Variants in DNAAF4 observed in about 807,000 individuals in gnomAD.
The protein encoded by DNAAF4 is dynein axonemal assembly factor 4.
Under a neutral mutation model 51.8 loss-of-function variants are expected in DNAAF4, and 43 were observed. The ratio of observed to expected loss-of-function variants is 0.83; its 90% CI spans 0.65 to 1.07. DNAAF4 has a LOEUF of 1.07. Among genes scored for constraint, DNAAF4 ranks in the 50% least tolerant of loss-of-function variants. The pLI is 0.00. For synonymous variants in DNAAF4, 194 were observed against 165.6 expected (o/e 1.17, Z -1.32); for missense variants, 581 against 493.0 (o/e 1.18, Z -1.69).
At chr15:55,472,390 G>C (rs1215784355) in intron 4 of DNAAF4, among the ~76,000 whole-genome samples, 1 of 152,194 alleles carries the variant, frequency 6.6e-6, no homozygotes, top group Non-Finnish European at 1.5e-5. Context: ...GGCCCAGGCA[G>C]GTTGATCACT....
At chr15:55,477,613 T>C (rs1036737859) in intron 4 of DNAAF4, among the ~76,000 whole-genome samples, 1 of 151,962 alleles carries the variant, frequency 6.6e-6, no homozygotes, top group African/African-American at 2.4e-5. Context: ...ATTTTAAAAA[T>C]ATTTAAAAAT....
intron 4 of DNAAF4, among the ~76,000 whole-genome samples, chr15:55,479,962 T>G (rs193030578): frequency 2.0e-5 from 3 of 152,310 alleles, no homozygotes; most frequent in Admixed American, 1.3e-4. Flanking sequence ...CCCTTATCAG[T>G]AGTTCTGCTT....
At chr15:55,497,659 G>A in intron 3 of DNAAF4, 53 bp downstream of exon 3, 3 of 1,546,968 alleles carry the variant, frequency 1.9e-6, no homozygotes, top group Non-Finnish European at 2.6e-6. Context: ...TTTTTAAAAG[G>A]TCTGAAACCG....
chr15:55,457,616 T>C (rs957802715), intron 5 of DNAAF4, among the ~76,000 whole-genome samples: 2 of 152,114 alleles, frequency 1.3e-5, no homozygotes, highest in African/African-American at 2.4e-5. Flanking sequence ...CAAGCCACCA[T>C]AGCAACTCAT....
At chr15:55,454,101 G>A (rs114952531) in intron 5 of DNAAF4, among the ~76,000 whole-genome samples, 1 of 151,734 alleles carries the variant, frequency 6.6e-6, no homozygotes, top group Non-Finnish European at 1.5e-5. Flanking sequence ...AGGAATTCAA[G>A]ATCAGCGTGG....
chr15:55,483,713 T>C (rs1398860185), intron 4 of DNAAF4, among the ~76,000 whole-genome samples: 1 of 151,478 alleles, frequency 6.6e-6, no homozygotes, highest in Non-Finnish European at 1.5e-5. Flanking sequence ...GCTAATTTTT[T>C]GTATTTTTAG....
chr15:55,485,790 C>T (rs188431075), intron 4 of DNAAF4, among the ~76,000 whole-genome samples: 46 of 151,980 alleles, frequency 3.0e-4, no homozygotes, highest in Non-Finnish European at 4.7e-4. Flanking sequence ...GTCAGGAGAT[C>T]GAGACCATCC....
chr15:55,456,968 G>A (rs1179637201), intron 5 of DNAAF4, among the ~76,000 whole-genome samples: 1 of 152,220 alleles, frequency 6.6e-6, no homozygotes, highest in South Asian at 2.1e-4. Flanking sequence ...ACAGGGTGAA[G>A]GAAGCTTGTA....
At chr15:55,507,852 TAAATA>T (rs904384653) in intron 1 of DNAAF4, among the ~76,000 whole-genome samples, 1 of 152,026 alleles carries the variant, frequency 6.6e-6, no homozygotes, top group African/African-American at 2.4e-5. Flanking sequence ...ATTAAAACAA[TAAATA>T]AAATAAATAA....
In DNAAF4 at chr15:55,443,269, G is replaced by A. The variant is rs531543290; in HGVS notation, c.784-3688C>T. The A allele has an allele frequency of 5.8e-5, 91 of 1,571,040 alleles. No individual in the cohort carries two copies. In the African/African-American group the frequency reaches 8.0e-4, roughly 14 times the overall value. ...AGAAAATGACCTCAGCGCGGGTTGCGGCTCACTACCCGGCAGGCGCCTGCC... is the reference window on the plus strand; with the variant it reads ...AGAAAATGACCTCAGCGCGGGTTGCAGCTCACTACCCGGCAGGCGCCTGCC... On this transcript the variant is annotated intron_variant, in intron 6 of 9. Coordinates refer to ENST00000321149, the MANE Select transcript of DNAAF4 (RefSeq NM_130810.4).
At chr15:55,447,302 G>A (rs531381084) in intron 6 of DNAAF4, among the ~76,000 whole-genome samples, 56 of 150,822 alleles carry the variant, frequency 3.7e-4, no homozygotes, top group African/African-American at 1.3e-3. Context: ...CTGGGCGGCT[G>A]GGCAGAGGCA....
intron 3 of DNAAF4, among the ~76,000 whole-genome samples, chr15:55,492,325 C>T (rs2058586271): frequency 6.7e-6 from 1 of 150,060 alleles, no homozygotes; most frequent in African/African-American, 2.4e-5. Context: ...GAGGGGAAGA[C>T]AAAGTAGGGG....
intron 7 of DNAAF4, among the ~76,000 whole-genome samples, chr15:55,437,831 T>C (rs890303242): frequency 2.6e-5 from 4 of 152,208 alleles, no homozygotes; most frequent in South Asian, 2.1e-4. Context: ...AGGAAGGCAG[T>C]TGACACCTAA....
intron 4 of DNAAF4, among the ~76,000 whole-genome samples, chr15:55,469,476 T>C (rs1033630041): frequency 3.5e-5 from 3 of 86,658 alleles, no homozygotes; most frequent in South Asian, 1.0e-3. Context: ...TACCAATTCT[T>C]TTTTTTTTTT....
chr15:55,450,897 A>G (rs1282377624), intron 5 of DNAAF4, among the ~76,000 whole-genome samples: 2 of 152,228 alleles, frequency 1.3e-5, no homozygotes, highest in Non-Finnish European at 2.9e-5. Flanking sequence ...CAGGAGTTCA[A>G]GACCAGCCTG....
chr15:55,433,359 C>T (rs1325228916), intron 8 of DNAAF4, among the ~76,000 whole-genome samples: 4 of 152,118 alleles, frequency 2.6e-5, no homozygotes, highest in Admixed American at 2.6e-4. Context: ...GCCTGTAATC[C>T]CAGCACTTTG....
At chr15:55,421,344 T>C (rs1328758626) in intron 7 of DNAAF4, among the ~76,000 whole-genome samples, 1 of 150,614 alleles carries the variant, frequency 6.6e-6, no homozygotes, top group African/African-American at 2.4e-5. Flanking sequence ...CTACTAAAAA[T>C]ACAAAATGCT....
intron 3 of DNAAF4, 40 bp downstream of exon 3, chr15:55,497,672 A>G: frequency 6.4e-7 from 1 of 1,563,922 alleles, no homozygotes; most frequent in Non-Finnish European, 8.6e-7. Context: ...TGAAACCGAA[A>G]AGGTACAACC....
chr15:55,494,541 A>G (rs1211232982), intron 3 of DNAAF4, among the ~76,000 whole-genome samples: 2 of 151,932 alleles, frequency 1.3e-5, no homozygotes, highest in Admixed American at 1.3e-4. Flanking sequence ...CCTCCCAAGT[A>G]GCTGGGACTA....
Sources: allele counts gnomAD v4.1 joint callset (sites outside exome capture counted in the v4.1 genomes callset), GRCh38; gene constraint gnomAD v4.1.1; transcripts MANE v1.5; gene names NCBI Gene and HGNC (gene_info 2026-07-23, HGNC 2026-07-21).